ADK: variants seen among roughly 807,000 people sequenced by gnomAD.
ADK encodes the protein adenosine kinase, also known as N6,N6-dimethyladenosine kinase.
ADK carries 24 observed loss-of-function variants against 44.7 expected under a neutral mutation model. That is an observed-to-expected ratio of 0.54 (90% CI 0.39 to 0.76). The LOEUF is 0.76. Among genes scored for constraint, ADK ranks in the 30% least tolerant of loss-of-function variants. The probability of loss-of-function intolerance (pLI) is 0.00; values close to 1 mark genes in which losing one functional copy is unlikely to be tolerated. For synonymous variants in ADK, 128 were observed against 142.6 expected, an observed-to-expected ratio of 0.90 and a Z score of 0.73; for missense variants, 321 against 425.1, an observed-to-expected ratio of 0.76 and a Z score of 2.15.
At chr10:74,195,707 CTTT>C (rs71475265) in intron 1 of ADK, among the ~76,000 whole-genome samples, 1,723 of 97,454 alleles carry the variant, frequency 0.018, 26 homozygotes, top group African/African-American at 0.069. Context: ...TCTTTTCTTT[CTTT>C]TTTTTTTTTT....
chr10:74,675,917 G>A (rs1334287347), intron 10 of ADK, among the ~76,000 whole-genome samples: 1 of 152,148 alleles, frequency 6.6e-6, no homozygotes, highest in South Asian at 2.1e-4. Context: ...TGGGAATATG[G>A]ACAGGACCTA....
At chr10:74,408,794 T>C (rs1035973653) in intron 6 of ADK, among the ~76,000 whole-genome samples, 1 of 152,200 alleles carries the variant, frequency 6.6e-6, no homozygotes, top group East Asian at 1.9e-4. Context: ...AAATGGATCA[T>C]CATAAAGGTC....
intron 7 of ADK, among the ~76,000 whole-genome samples, chr10:74,535,286 C>T (rs1362621727): frequency 6.6e-6 from 1 of 151,968 alleles, no homozygotes; most frequent in African/African-American, 2.4e-5. Flanking sequence ...CATAGTTGGA[C>T]CCCATCTCTC....
chr10:74,691,871 A>C (rs1428924754), intron 10 of ADK, among the ~76,000 whole-genome samples: 1 of 152,100 alleles, frequency 6.6e-6, no homozygotes, highest in Non-Finnish European at 1.5e-5. Flanking sequence ...TGTGTGGCCT[A>C]TGGGGTGAGG....
intron 6 of ADK, among the ~76,000 whole-genome samples, chr10:74,413,073 C>A (rs1456128256): frequency 6.6e-6 from 1 of 151,614 alleles, no homozygotes; most frequent in Non-Finnish European, 1.5e-5. Context: ...AAAAAAAATT[C>A]AGCATACCAT....
chr10:74,460,161 G>A (rs1846119544), intron 6 of ADK, among the ~76,000 whole-genome samples: 2 of 152,156 alleles, frequency 1.3e-5, no homozygotes, highest in Non-Finnish European at 2.9e-5. Context: ...ACCTGCTATT[G>A]AGCGTGCTTT....
At chr10:74,659,783 A>G (rs1854630898) in intron 9 of ADK, among the ~76,000 whole-genome samples, 1 of 152,156 alleles carries the variant, frequency 6.6e-6, no homozygotes, top group African/African-American at 2.4e-5. Context: ...CTGGGAGGGT[A>G]AGCCAGTCTG....
chr10:74,199,035 A>G lies in ADK; in HGVS notation c.66-1729A>G, dbSNP rs565261521. 7.9e-5 allele frequency among the ~76,000 whole-genome samples: 12 copies of G among 152,318 alleles called. No homozygotes were observed. The South Asian group carries it at 2.5e-3, about 32-fold the overall frequency. Reference sequence around the variant, plus strand: ...GCATTTAAATTTGTAAAAGTTACAAATCGTTCTATAAAAAGTTAGCATATA... The same window carrying G: ...GCATTTAAATTTGTAAAAGTTACAAGTCGTTCTATAAAAAGTTAGCATATA... On this transcript the variant is annotated intron_variant, in intron 1 of 10. Transcript: ENST00000539909.
intron 8 of ADK, among the ~76,000 whole-genome samples, chr10:74,594,685 AAG>A (rs1485351910): frequency 1.3e-5 from 2 of 151,894 alleles, no homozygotes; most frequent in Non-Finnish European, 2.9e-5. Flanking sequence ...AAAAAAAAAA[AAG>A]AATGAAGAGA....
intron 3 of ADK, among the ~76,000 whole-genome samples, chr10:74,230,704 A>G (rs1288147779): frequency 6.9e-6 from 1 of 145,626 alleles, no homozygotes; most frequent in Non-Finnish European, 1.5e-5. Context: ...TTTTTTTGAG[A>G]CGGAGTCTCA....
At chr10:74,193,404 C>T (rs551128935) in intron 1 of ADK, among the ~76,000 whole-genome samples, 2 of 152,164 alleles carry the variant, frequency 1.3e-5, no homozygotes, top group East Asian at 3.9e-4. Context: ...TCCCTCCTCC[C>T]GCCTCCCCCC....
intron 9 of ADK, among the ~76,000 whole-genome samples, chr10:74,638,245 A>G (rs1853685945): frequency 6.6e-6 from 1 of 152,218 alleles, no homozygotes; most frequent in South Asian, 2.1e-4. Context: ...ACTGAATGTT[A>G]AAGTGGGTTT....
chr10:74,605,674 A>G (rs149535156), intron 9 of ADK, among the ~76,000 whole-genome samples: 2,416 of 152,288 alleles, frequency 0.016, 35 homozygotes, highest in Non-Finnish European at 0.028. Context: ...TTTTGCATCA[A>G]TGTTCATCAG....
intron 6 of ADK, among the ~76,000 whole-genome samples, chr10:74,515,872 C>G (rs1171582857): frequency 6.6e-6 from 1 of 152,138 alleles, no homozygotes; most frequent in African/African-American, 2.4e-5. Context: ...AGAATAACAG[C>G]CAGTCCAGGG....
intron 10 of ADK, among the ~76,000 whole-genome samples, chr10:74,671,230 T>C (rs1295096973): frequency 6.6e-6 from 1 of 151,918 alleles, no homozygotes; most frequent in Non-Finnish European, 1.5e-5. Flanking sequence ...AGTCTTTTTT[T>C]TTTTTCTCCC....
At chr10:74,340,022 A>G (rs1256697425) in intron 4 of ADK, among the ~76,000 whole-genome samples, 1 of 152,126 alleles carries the variant, frequency 6.6e-6, no homozygotes, top group Non-Finnish European at 1.5e-5. Context: ...TCTTTATTTC[A>G]TTGTTATTTT....
At chr10:74,191,884 C>G (rs942547919) in intron 1 of ADK, among the ~76,000 whole-genome samples, 1 of 152,142 alleles carries the variant, frequency 6.6e-6, no homozygotes, top group Admixed American at 6.5e-5. Context: ...GGGTATTAAA[C>G]TATTCTGTTA....
intron 7 of ADK, chr10:74,527,681 A>G: frequency 1.7e-6 from 2 of 1,166,874 alleles, no homozygotes; most frequent in East Asian, 2.3e-5. Context: ...AACTGTGTCA[A>G]AAATGCCTCT....
chr10:74,468,948 G>GGT (rs1380830764), intron 6 of ADK, among the ~76,000 whole-genome samples: 2 of 151,732 alleles, frequency 1.3e-5, no homozygotes, highest in Non-Finnish European at 2.9e-5. Context: ...CTAGACAAGG[G>GGT]GTGTGTGTGT....
Sources: gnomAD v4.1 joint callset for allele counts (sites outside exome capture counted in the v4.1 genomes callset) on GRCh38, gnomAD v4.1.1 for gene constraint, MANE v1.5 for transcripts, NCBI Gene and HGNC (gene_info 2026-07-23, HGNC 2026-07-21) for gene names.